The following ZNF831 variants were observed in gnomAD, a reference collection of about 807,000 sequenced individuals.
The protein encoded by ZNF831 is chromosome 20 open reading frame 174.
Under a neutral mutation model 95.8 loss-of-function variants are expected in ZNF831, and 59 were observed. The observed-to-expected ratio is 0.62, with a 90% confidence interval of 0.50 to 0.77. ZNF831 has a LOEUF of 0.77. Among genes scored for constraint, ZNF831 ranks in the 30% least tolerant of loss-of-function variants. The pLI, the probability that ZNF831 is intolerant of heterozygous loss-of-function variation, is 0.00. For missense variants in ZNF831, 2,205 were observed against 2,164.0 expected (o/e 1.02, Z -0.38); for synonymous variants, 961 against 925.5 (o/e 1.04, Z -0.70).
chr20:59,177,272 C>T (rs1444842201), intron 1 of ZNF831, among the ~76,000 whole-genome samples: 3 of 152,314 alleles, frequency 2.0e-5, no homozygotes, highest in African/African-American at 7.2e-5. Context: ...ACATTGTTCT[C>T]TCCATTTTGC....
At position 59,192,645 on chromosome 20, in the gene ZNF831, G is replaced by A. The variant is rs747864125; in HGVS notation, c.1626G>A (p.Leu542=). ...PLSPRPGPAR[L]GCRSGLSSTD... Reference sequence around the variant, plus strand: ...GCCCCAGGCCCGGCCCAGCCCGCCTGGGCTGCCGCTCGGGACTAAGCTCGA... The same window carrying A: ...GCCCCAGGCCCGGCCCAGCCCGCCTAGGCTGCCGCTCGGGACTAAGCTCGA... The change falls in exon 2 of 6, where the codon CTG becomes CTA. Residue 542 remains leucine, a synonymous_variant. Coordinates refer to ENST00000371030, the MANE Select transcript of ZNF831 (RefSeq NM_178457.3). This position sits in a 1 kb window ranked among gnomAD's most constrained non-coding sequence, Gnocchi z 5.2. 5 of 1,506,368 alleles carry A rather than the reference G, an allele frequency of 3.3e-6. No homozygotes were observed. Among genetic ancestry groups the A allele is most frequent in the East Asian group, 2.4e-5 (1 of 42,300 alleles). The allele number at this position is 1,506,368 out of a possible 1,614,324, so 93.3% of individuals were successfully genotyped here.
intron 2 of ZNF831, 111 bp from the exon 3 acceptor site, chr20:59,195,758 C>T (rs943511720): frequency 1.2e-5 from 18 of 1,506,000 alleles, no homozygotes; most frequent in Admixed American, 4.5e-5. Flanking sequence ...GCAGTATTTC[C>T]GTTTTGATTT....
chr20:59,148,049 A>G (rs190106107), intron 2 of ZNF831, among the ~76,000 whole-genome samples: 60 of 152,376 alleles, frequency 3.9e-4, no homozygotes, highest in East Asian at 3.9e-4. Context: ...TAATTAGAAG[A>G]GACGTCCCTT....
chr20:59,144,897 G>T (rs1160539309), intron 1 of ZNF831, among the ~76,000 whole-genome samples: 1 of 152,208 alleles, frequency 6.6e-6, no homozygotes, highest in Non-Finnish European at 1.5e-5. Context: ...CCAGAAGACT[G>T]TCTGGAGGGC....
In ZNF831 at chr20:59,172,736, C is replaced by T. The variant is rs190294359; in HGVS notation, c.-37+8529C>T. 8.5e-5 allele frequency among the ~76,000 whole-genome samples: 13 copies of T among 152,314 alleles called. 1 individual carries two copies. Among genetic ancestry groups the T allele is most frequent in the African/African-American group, 3.1e-4 (13 of 41,574 alleles). ...CACATCCAGCTGCACAACTAATACA[C>T]TAAATTGAGACTCTCTGGTAAGTGC... On this transcript the variant is annotated intron_variant, in intron 1 of 5. Coordinates refer to ENST00000371030, the MANE Select transcript of ZNF831 (RefSeq NM_178457.3).
At chr20:59,140,572 G>A (rs1979647144) in intron 1 of ZNF831, among the ~76,000 whole-genome samples, 1 of 152,102 alleles carries the variant, frequency 6.6e-6, no homozygotes. Context: ...AGTACAGAGA[G>A]GTCCCAGGGA....
chr20:59,212,329 G>A (rs1438497578), intron 4 of ZNF831, among the ~76,000 whole-genome samples: 1 of 152,188 alleles, frequency 6.6e-6, no homozygotes, highest in African/African-American at 2.4e-5. Context: ...AGTTATGAAG[G>A]ATAAAGACCT....
At chr20:59,135,400 A>T (rs1208834894) in intron 1 of ZNF831, among the ~76,000 whole-genome samples, 1 of 152,082 alleles carries the variant, frequency 6.6e-6, no homozygotes, top group Admixed American at 6.5e-5. Flanking sequence ...AGCCTTGGCA[A>T]CATAGTAAGC....
At chr20:59,226,299 C>G (rs1437125458) in intron 4 of ZNF831, among the ~76,000 whole-genome samples, 2 of 152,128 alleles carry the variant, frequency 1.3e-5, no homozygotes, top group African/African-American at 2.4e-5. Context: ...AGTTGCTTGG[C>G]CAGCAAGCTG....
At chr20:59,166,598 A>T (rs1981286104) in intron 1 of ZNF831, among the ~76,000 whole-genome samples, 1 of 151,932 alleles carries the variant, frequency 6.6e-6, no homozygotes, top group Non-Finnish European at 1.5e-5. Flanking sequence ...CCAACCCCTT[A>T]ACCCCAAGCA....
At chr20:59,188,562 C>G (rs1038194230) in intron 1 of ZNF831, among the ~76,000 whole-genome samples, 1 of 152,072 alleles carries the variant, frequency 6.6e-6, no homozygotes, top group African/African-American at 2.4e-5. Context: ...GCGGCTGAGG[C>G]ATGAGAATCG....
chr20:59,194,694 T>C lies in ZNF831; in HGVS notation c.3675T>C (p.Pro1225=). The change falls in exon 2 of 6, where the codon CCT becomes CCC. Residue 1225 remains proline (P), a synonymous_variant. Transcript: ENST00000371030. ...GAGATGAGGGTCCCAATGGCCCTCC[T>C]GGGAGCAATGGAGGATGGACCTGGA... ...SLRDEGPNGP[P]GSNGGWTWTS... 1.9e-6 allele frequency: 3 copies of C among 1,608,498 alleles called. No homozygotes were observed. The highest frequency in any genetic ancestry group is 2.5e-6 in the Non-Finnish European group (3 of 1,177,240).
chr20:59,148,192 G>A (rs1001188935), intron 2 of ZNF831, among the ~76,000 whole-genome samples: 6 of 152,088 alleles, frequency 3.9e-5, no homozygotes, highest in African/African-American at 7.2e-5. Context: ...ATTTGTGGTC[G>A]GCCCATCCAA....
intron 3 of ZNF831, among the ~76,000 whole-genome samples, chr20:59,204,722 C>G (rs186394335): frequency 1.3e-5 from 2 of 152,304 alleles, no homozygotes; most frequent in African/African-American, 4.8e-5. Flanking sequence ...ATCACCCTCA[C>G]AGCCGGGTGC....
chr20:59,188,196 A>G (rs1325764373), intron 1 of ZNF831, among the ~76,000 whole-genome samples: 2 of 152,220 alleles, frequency 1.3e-5, no homozygotes, highest in Non-Finnish European at 2.9e-5. Context: ...ATGGTAATAC[A>G]TGTTTAACTT....
intron 4 of ZNF831, among the ~76,000 whole-genome samples, chr20:59,237,667 C>T (rs1987077635): frequency 6.6e-6 from 1 of 152,176 alleles, no homozygotes; most frequent in Non-Finnish European, 1.5e-5. Flanking sequence ...GGAAGTTATT[C>T]TCCTTTGAGG....
At chr20:59,196,398 C>T (rs1184550169) in intron 3 of ZNF831, among the ~76,000 whole-genome samples, 3 of 152,150 alleles carry the variant, frequency 2.0e-5, no homozygotes, top group East Asian at 1.9e-4. Flanking sequence ...CTAGTAATCT[C>T]GCCACGCAGA....
At chr20:59,237,289 T>C (rs73618659) in intron 4 of ZNF831, among the ~76,000 whole-genome samples, 15,440 of 152,220 alleles carry the variant, frequency 0.1, 1,077 homozygotes, top group East Asian at 0.32. Flanking sequence ...CCTAAGAGGA[T>C]AGCAGGGCTG....
chr20:59,137,279 C>A (rs1341565490), intron 1 of ZNF831, among the ~76,000 whole-genome samples: 1 of 149,234 alleles, frequency 6.7e-6, no homozygotes, highest in Non-Finnish European at 1.5e-5. Flanking sequence ...TCCAATACAT[C>A]TTTTTTTTTT....
Sources: allele counts gnomAD v4.1 joint callset (sites outside exome capture counted in the v4.1 genomes callset), GRCh38; gene constraint gnomAD v4.1.1; non-coding constraint Gnocchi (gnomAD v3.1); transcripts MANE v1.5; gene names NCBI Gene and HGNC (gene_info 2026-07-23, HGNC 2026-07-21).